ADAMTS16: variants seen among roughly 807,000 people sequenced by gnomAD.
The protein encoded by ADAMTS16 is A disintegrin and metalloproteinase with thrombospondin motifs 16.
ADAMTS16 carries 94 observed loss-of-function variants against 145.8 expected under a neutral mutation model. The ratio of observed to expected loss-of-function variants is 0.64; its 90% CI spans 0.55 to 0.77. ADAMTS16 has a LOEUF of 0.77. Among genes scored for constraint, ADAMTS16 ranks in the 30% least tolerant of loss-of-function variants. The probability of loss-of-function intolerance (pLI) is 0.00; values close to 1 mark genes in which losing one functional copy is unlikely to be tolerated. For synonymous variants in ADAMTS16, 659 were observed against 604.3 expected (o/e 1.09, Z -1.33); for missense variants, 1,585 against 1,591.5 (o/e 1.00, Z 0.07).
chr5:5,202,417 A>T (rs1735986420), intron 9 of ADAMTS16, among the ~76,000 whole-genome samples: 1 of 152,218 alleles, frequency 6.6e-6, no homozygotes, highest in South Asian at 2.1e-4. Context: ...TGTTAAAGCT[A>T]TTCTACAACT....
intron 8 of ADAMTS16, among the ~76,000 whole-genome samples, chr5:5,195,329 C>T (rs1158555500): frequency 6.6e-6 from 1 of 152,186 alleles, no homozygotes; most frequent in Non-Finnish European, 1.5e-5. Context: ...GCACCAAGGG[C>T]TGAACTGCGC....
Position 5,145,486 on chromosome 5 carries a change from A to G in ADAMTS16, c.176-644A>G, listed in dbSNP as rs72739684. On this transcript the variant is annotated intron_variant, in intron 2 of 22. Coordinates refer to ENST00000274181, the MANE Select transcript of ADAMTS16 (RefSeq NM_139056.4). ...ATGAGGGGAAGATTTACACCAGGGA[A>G]ATTGGCAAATGCCAAAATCCAGGTC... Among the ~76,000 whole-genome samples, 298 of 152,344 alleles carry G rather than the reference A, an allele frequency of 2.0e-3. 3 individuals carry two copies. The Middle Eastern group carries it at 0.027, about 14-fold the overall frequency.
chr5:5,315,838 C>T (rs1428131491), intron 21 of ADAMTS16, among the ~76,000 whole-genome samples: 3 of 152,118 alleles, frequency 2.0e-5, no homozygotes, highest in Non-Finnish European at 4.4e-5. Context: ...TTCTACTTTC[C>T]GTAGTCATAT....
rs80279877 is a variant in ADAMTS16 at position 5,224,816 on chromosome 5, A to C, written c.1701+1932A>C. ...ATGTTGCCTTTGAGCTATTGCCTGC[A>C]TGAAACACAAGGTGGTCCTCCAGGC... On this transcript the variant is annotated intron_variant, in intron 11 of 22. Transcript: ENST00000274181. Among the ~76,000 whole-genome samples the C allele has an allele frequency of 1.9e-4, 29 of 152,284 alleles. No homozygotes were observed. In the East Asian group the frequency reaches 4.8e-3, roughly 25 times the overall value.
chr5:5,305,970 G>T (rs1383014552), intron 20 of ADAMTS16, among the ~76,000 whole-genome samples: 1 of 152,220 alleles, frequency 6.6e-6, no homozygotes, highest in Admixed American at 6.5e-5. Flanking sequence ...TCTGCAACTG[G>T]AGCAGCTCAA....
intron 3 of ADAMTS16, among the ~76,000 whole-genome samples, chr5:5,160,590 A>C (rs1734715253): frequency 6.6e-6 from 1 of 152,172 alleles, no homozygotes; most frequent in African/African-American, 2.4e-5. Context: ...AAATACCTGC[A>C]ACTGCAACCC....
intron 17 of ADAMTS16, 48 bp from the exon 18 acceptor site, chr5:5,262,609 T>C: frequency 6.3e-7 from 1 of 1,584,234 alleles, no homozygotes; most frequent in Non-Finnish European, 8.6e-7. Context: ...CCTTTTACTG[T>C]GGGGCATGCA....
chr5:5,161,467 A>T (rs983389114), intron 3 of ADAMTS16, among the ~76,000 whole-genome samples: 1 of 152,226 alleles, frequency 6.6e-6, no homozygotes. Flanking sequence ...TACAATGCAC[A>T]TATGGGTGAA....
At chr5:5,296,923 G>T (rs1430871093) in intron 18 of ADAMTS16, among the ~76,000 whole-genome samples, 1 of 152,240 alleles carries the variant, frequency 6.6e-6, no homozygotes, top group Non-Finnish European at 1.5e-5. Context: ...TTGGCTCAAT[G>T]GGTGGGTGTT....
chr5:5,187,039 C>T (rs571763249), intron 5 of ADAMTS16, among the ~76,000 whole-genome samples: 1 of 152,190 alleles, frequency 6.6e-6, no homozygotes, highest in Non-Finnish European at 1.5e-5. Context: ...GCTGAGGAGG[C>T]AGTGAAATAG....
intron 17 of ADAMTS16, among the ~76,000 whole-genome samples, chr5:5,258,873 C>A (rs1037953395): frequency 1.3e-5 from 2 of 151,800 alleles, no homozygotes; most frequent in African/African-American, 4.8e-5. Flanking sequence ...ATTTATTGAT[C>A]ATTCTTGGGT....
At chr5:5,236,467 A>T (rs2126379188) in intron 13 of ADAMTS16, among the ~76,000 whole-genome samples, 1 of 152,322 alleles carries the variant, frequency 6.6e-6, no homozygotes, top group East Asian at 1.9e-4. Context: ...TGTGGAAAAC[A>T]TTGTTCTCGA....
At chr5:5,209,461 C>T (rs1024882831) in intron 10 of ADAMTS16, among the ~76,000 whole-genome samples, 1 of 152,060 alleles carries the variant, frequency 6.6e-6, no homozygotes, top group African/African-American at 2.4e-5. Flanking sequence ...ATTTGAGAAC[C>T]GACTTGGCCT....
chr5:5,170,413 C>T (rs902027420), intron 3 of ADAMTS16, among the ~76,000 whole-genome samples: 1 of 152,188 alleles, frequency 6.6e-6, no homozygotes, highest in African/African-American at 2.4e-5. Flanking sequence ...GAGTCTCACT[C>T]TGTCACCCAG....
At chr5:5,221,056 T>C (rs987429375) in intron 10 of ADAMTS16, among the ~76,000 whole-genome samples, 5 of 151,994 alleles carry the variant, frequency 3.3e-5, no homozygotes, top group African/African-American at 1.2e-4. Flanking sequence ...CTCTCCCTAG[T>C]CTCCCGTTCT....
intron 10 of ADAMTS16, among the ~76,000 whole-genome samples, chr5:5,221,573 C>G (rs1426643234): frequency 6.6e-6 from 1 of 152,188 alleles, no homozygotes; most frequent in African/African-American, 2.4e-5. Context: ...CAATTGATAT[C>G]TGAATTAAAA....
rs1225053134 is a variant in ADAMTS16, at chr5:5,143,114, C to CA, written c.175+2352dup. Reference sequence around the variant, plus strand: ...AAACCAAAAGCAATTGCAACAAAGCCAAAACTGACAAATAAGATCTAATTA... The same window carrying CA: ...AAACCAAAAGCAATTGCAACAAAGCCAAAAACTGACAAATAAGATCTAATTA... On this transcript the variant is annotated intron_variant, in intron 2 of 22. Transcript: ENST00000274181. Among the ~76,000 whole-genome samples the CA allele has an allele frequency of 5.5e-4, 83 of 152,150 alleles. 1 individual carries two copies. The highest frequency in any genetic ancestry group is 8.8e-5 in the Non-Finnish European group (6 of 67,984).
At chr5:5,169,827 G>C in intron 3 of ADAMTS16, among the ~76,000 whole-genome samples, 1 of 152,086 alleles carries the variant, frequency 6.6e-6, no homozygotes, top group East Asian at 1.9e-4. Flanking sequence ...GGACTTGGGT[G>C]GACAGCAGAA....
chr5:5,234,699 G>A lies in ADAMTS16; in HGVS notation c.1851-315G>A, dbSNP rs71596742. ...ATCCTAGCCAACATGGTGAAACCTC[G>A]TCTTTACTAAAAATACAAAAATTAG... On this transcript the variant is annotated intron_variant, in intron 12 of 22. Coordinates refer to ENST00000274181, the MANE Select transcript of ADAMTS16 (RefSeq NM_139056.4). 9.6e-3 allele frequency among the ~76,000 whole-genome samples: 1,456 copies of A among 151,956 alleles called. 4 individuals carry two copies. Among genetic ancestry groups the A allele is most frequent in the Middle Eastern group, 0.051 (15 of 294 alleles).
Sources: gnomAD v4.1 joint callset for allele counts (sites outside exome capture counted in the v4.1 genomes callset) on GRCh38, gnomAD v4.1.1 for gene constraint, MANE v1.5 for transcripts, NCBI Gene and HGNC (gene_info 2026-07-23, HGNC 2026-07-21) for gene names.